Variants in DPP10 observed in about 807,000 individuals in gnomAD.
The protein encoded by DPP10 is inactive dipeptidyl peptidase 10.
In DPP10, 33 loss-of-function variants were observed where a neutral mutation model predicts 120.9. The observed-to-expected ratio is 0.27, with a 90% CI of 0.21 to 0.37. DPP10 has a LOEUF of 0.37. DPP10 is among the 10% of genes least tolerant of loss of function. The probability of loss-of-function intolerance (pLI) is 1.00; values close to 1 mark genes in which losing one functional copy is unlikely to be tolerated. For missense variants in DPP10, 816 were observed against 942.8 expected (o/e 0.87, Z 1.76); for synonymous variants, 337 against 326.1 (o/e 1.03, Z -0.36).
At chr2:115,687,744 A>G (rs989966008) in intron 5 of DPP10, among the ~76,000 whole-genome samples, 2 of 152,136 alleles carry the variant, frequency 1.3e-5, no homozygotes, top group African/African-American at 4.8e-5. Flanking sequence ...ATTTACAATT[A>G]GAGAACGACC....
chr2:114,680,282 A>T (rs1186310655), intron 1 of DPP10, among the ~76,000 whole-genome samples: 1 of 152,032 alleles, frequency 6.6e-6, no homozygotes, highest in Non-Finnish European at 1.5e-5. Context: ...CATGATGTTT[A>T]TGATTTTGTA....
chr2:115,233,918 G>A (rs766629061), intron 1 of DPP10: 4 of 517,760 alleles, frequency 7.7e-6, no homozygotes, highest in Non-Finnish European at 1.5e-5. Flanking sequence ...CTGCCCAGTA[G>A]TATCAGGTGG....
At chr2:115,188,080 A>AGG (rs1012999633) in intron 1 of DPP10, among the ~76,000 whole-genome samples, 1 of 151,712 alleles carries the variant, frequency 6.6e-6, no homozygotes, top group African/African-American at 2.4e-5. Context: ...AGAGAGAGAG[A>AGG]GAGAGCGCAC....
At chr2:115,721,589 C>G (rs115153361) in intron 7 of DPP10, among the ~76,000 whole-genome samples, 1,652 of 150,372 alleles carry the variant, frequency 0.011, 35 homozygotes, top group African/African-American at 0.038. Flanking sequence ...CCTGTCAAGA[C>G]AGCTATTATA....
intron 1 of DPP10, among the ~76,000 whole-genome samples, chr2:114,981,545 C>T (rs941830840): frequency 4.6e-5 from 7 of 152,052 alleles, no homozygotes; most frequent in African/African-American, 9.7e-5. Context: ...ACTGGGAATT[C>T]GGACTGAGTG....
At chr2:115,394,753 T>C (rs1015729475) in intron 3 of DPP10, among the ~76,000 whole-genome samples, 21 of 152,176 alleles carry the variant, frequency 1.4e-4, no homozygotes, top group African/African-American at 5.1e-4. Context: ...ATTTTATTAC[T>C]CTACAGGTCA....
At chr2:114,928,053 G>A (rs1186487129) in intron 1 of DPP10, among the ~76,000 whole-genome samples, 1 of 152,144 alleles carries the variant, frequency 6.6e-6, no homozygotes, top group Admixed American at 6.5e-5. Context: ...CCTCCCATGA[G>A]GCCCCACCTC....
At chr2:115,514,373 T>C (rs1464051333) in intron 4 of DPP10, among the ~76,000 whole-genome samples, 3 of 151,668 alleles carry the variant, frequency 2.0e-5, no homozygotes, top group African/African-American at 7.2e-5. Context: ...TTTCTCCTTT[T>C]CTTCTCTATA....
intron 4 of DPP10, among the ~76,000 whole-genome samples, chr2:115,503,707 A>C (rs1448630142): frequency 3.9e-5 from 6 of 152,172 alleles, no homozygotes; most frequent in African/African-American, 7.2e-5. Context: ...GAAGCTGTGC[A>C]TATCAATGTT....
At chr2:115,787,076 T>A (rs1238140516) in intron 17 of DPP10, among the ~76,000 whole-genome samples, 3 of 152,140 alleles carry the variant, frequency 2.0e-5, no homozygotes, top group Non-Finnish European at 2.9e-5. Context: ...GTCATTCAAA[T>A]ACACACTAAA....
At chr2:114,578,258 A>T (rs1339239189) in intron 1 of DPP10, among the ~76,000 whole-genome samples, 1 of 152,194 alleles carries the variant, frequency 6.6e-6, no homozygotes, top group African/African-American at 2.4e-5. Context: ...ATATTTTATC[A>T]TAACCTCTGA....
intron 1 of DPP10, among the ~76,000 whole-genome samples, chr2:114,680,139 T>C (rs899514981): frequency 6.6e-6 from 1 of 152,024 alleles, no homozygotes; most frequent in African/African-American, 2.4e-5. Context: ...GTAACGTCAG[T>C]GTCTAGGCTA....
chr2:114,729,800 C>T lies in DPP10; in HGVS notation c.60+286962C>T, dbSNP rs1676714413. Among the ~76,000 whole-genome samples, 4 of 152,186 alleles carry T rather than the reference C, an allele frequency of 2.6e-5. No homozygotes were observed. In the South Asian group the frequency reaches 8.3e-4, roughly 32 times the overall value. On this transcript the variant is annotated intron_variant, in intron 1 of 25. Coordinates refer to ENST00000410059, the MANE Select transcript of DPP10 (RefSeq NM_020868.6). ...CAATATCTTGCTATGGATATGTGGA[C>T]TAACTTCGTGGTCCTATTTATAGCC...
intron 5 of DPP10, among the ~76,000 whole-genome samples, chr2:115,641,311 T>C (rs796082435): frequency 2.0e-5 from 3 of 152,304 alleles, no homozygotes; most frequent in African/African-American, 7.2e-5. Flanking sequence ...TGCCACGGCA[T>C]CAAGGCCCCG....
chr2:115,471,713 A>G (rs1459338302), intron 3 of DPP10, among the ~76,000 whole-genome samples: 1 of 151,870 alleles, frequency 6.6e-6, no homozygotes, highest in African/African-American at 2.4e-5. Flanking sequence ...CAGCCTCCTG[A>G]GTAGCTGGGA....
chr2:115,205,555 C>T (rs1224838649), intron 1 of DPP10, among the ~76,000 whole-genome samples: 1 of 152,064 alleles, frequency 6.6e-6, no homozygotes, highest in African/African-American at 2.4e-5. Context: ...ATAATTTGCT[C>T]TACCAAAAAG....
At chr2:115,466,173 G>A (rs1000834968) in intron 3 of DPP10, among the ~76,000 whole-genome samples, 1 of 152,092 alleles carries the variant, frequency 6.6e-6, no homozygotes, top group Non-Finnish European at 1.5e-5. Context: ...AAACTTATGT[G>A]GAAATACCAA....
At chr2:115,409,423 A>G (rs1208811362) in intron 3 of DPP10, among the ~76,000 whole-genome samples, 1 of 152,328 alleles carries the variant, frequency 6.6e-6, no homozygotes, top group African/African-American at 2.4e-5. Flanking sequence ...GCCCAACATC[A>G]CTAATGATTA....
chr2:115,197,021 C>T (rs191577199), intron 1 of DPP10, among the ~76,000 whole-genome samples: 36 of 152,220 alleles, frequency 2.4e-4, no homozygotes, highest in Non-Finnish European at 4.1e-4. Flanking sequence ...AGTTGGTGGA[C>T]ATTACTAGTG....
Sources: allele counts gnomAD v4.1 joint callset (sites outside exome capture counted in the v4.1 genomes callset), GRCh38; gene constraint gnomAD v4.1.1; transcripts MANE v1.5; gene names NCBI Gene and HGNC (gene_info 2026-07-23, HGNC 2026-07-21).